The following PCDHA10 variants were observed in gnomAD, a reference collection of about 807,000 sequenced individuals.
PCDHA10 encodes the protein protocadherin alpha 10.
In PCDHA10, 45 loss-of-function variants were observed where a neutral mutation model predicts 61.2. That is an observed-to-expected ratio of 0.74 (90% CI 0.58 to 0.94). PCDHA10 has a LOEUF of 0.94. Among genes scored for constraint, PCDHA10 ranks in the 40% least tolerant of loss-of-function variants. The pLI is 0.00. For synonymous variants in PCDHA10, 602 were observed against 548.8 expected (o/e 1.10, Z -1.35); for missense variants, 1,278 against 1,236.2 (o/e 1.03, Z -0.51).
chr5:140,912,359 G>A (rs1483575347), intron 1 of PCDHA10, among the ~76,000 whole-genome samples: 1 of 131,950 alleles, frequency 7.6e-6, no homozygotes, highest in Non-Finnish European at 1.6e-5. Context: ...TTTTTTTTTT[G>A]CAGCTGTTGT....
rs1446529645 is a variant in PCDHA10, at chr5:140,923,539, C to CA, written c.2389-55406dup. ...GTGAGATTCTGTCCCAAAAAAAGGA[C>CA]AAAATGAAATATCAGCAATGAAAGG... On this transcript the variant is annotated intron_variant, in intron 1 of 3. Coordinates refer to ENST00000307360, the MANE Select transcript of PCDHA10 (RefSeq NM_018901.4). 3.3e-5 allele frequency among the ~76,000 whole-genome samples: 5 copies of CA among 152,090 alleles called. No individual in the cohort carries two copies. The South Asian group carries it at 8.3e-4, about 25-fold the overall frequency.
At chr5:140,930,002 C>T (rs1304233576) in intron 1 of PCDHA10, 4 of 152,196 alleles carry the variant, frequency 2.6e-5, no homozygotes, top group African/African-American at 9.6e-5. Flanking sequence ...CACCCTAAAA[C>T]ATAGCTGATA....
chr5:140,930,781 CAATAT>C (rs1259470112), intron 1 of PCDHA10, among the ~76,000 whole-genome samples: 2 of 152,048 alleles, frequency 1.3e-5, no homozygotes, highest in African/African-American at 4.8e-5. Context: ...AATATTTTCA[CAATAT>C]AATAGAATCC....
chr5:140,867,686 C>CT, intron 1 of PCDHA10: 1 of 152,084 alleles, frequency 6.6e-6, no homozygotes, highest in Middle Eastern at 3.4e-3. Flanking sequence ...GTTGCATCTT[C>CT]TTTTTTTCCT....
At chr5:140,942,663 A>G (rs2153659608) in intron 1 of PCDHA10, among the ~76,000 whole-genome samples, 1 of 152,294 alleles carries the variant, frequency 6.6e-6, no homozygotes, top group African/African-American at 2.4e-5. Context: ...AAAAGCAATA[A>G]GCACAAAAGT....
intron 1 of PCDHA10, among the ~76,000 whole-genome samples, chr5:140,916,543 G>A (rs1554197499): frequency 6.6e-6 from 1 of 152,152 alleles, no homozygotes; most frequent in Non-Finnish European, 1.5e-5. Context: ...AAGGCAATGG[G>A]TTTTCTATTT....
chr5:140,950,820 AG>A (rs1429119954), intron 1 of PCDHA10, among the ~76,000 whole-genome samples: 2 of 152,088 alleles, frequency 1.3e-5, no homozygotes, highest in Non-Finnish European at 2.9e-5. Context: ...GTAGGGTTAA[AG>A]TTTGGTCCTT....
At chr5:140,970,775 C>T (rs2096433002) in intron 1 of PCDHA10, among the ~76,000 whole-genome samples, 1 of 152,160 alleles carries the variant, frequency 6.6e-6, no homozygotes, top group Non-Finnish European at 1.5e-5. Context: ...GCTGTACATA[C>T]ATATTGTATG....
chr5:140,890,550 C>A (rs1162286556), intron 1 of PCDHA10, among the ~76,000 whole-genome samples: 1 of 151,958 alleles, frequency 6.6e-6, no homozygotes, highest in Admixed American at 6.6e-5. Context: ...TGACTGAGTA[C>A]TTTTTATTGT....
chr5:140,883,147 T>C, intron 1 of PCDHA10: 2 of 1,614,064 alleles, frequency 1.2e-6, no homozygotes, highest in Non-Finnish European at 1.7e-6. Context: ...TATATGCATT[T>C]ACCATAAATC....
chr5:140,889,025 A>G (rs2062065518), intron 1 of PCDHA10, among the ~76,000 whole-genome samples: 1 of 152,068 alleles, frequency 6.6e-6, no homozygotes, highest in South Asian at 2.1e-4. Flanking sequence ...TTCCTTGGAT[A>G]ACCGTAATTT....
chr5:140,862,934 G>C (rs1050739882), intron 1 of PCDHA10: 3 of 542,192 alleles, frequency 5.5e-6, no homozygotes, highest in African/African-American at 2.0e-5. Flanking sequence ...TGGCGGCGCT[G>C]TGAGTGAGCT....
rs782339436 is a variant in PCDHA10, at chr5:140,928,591, G to A, written c.2389-50358G>A. The A allele has an allele frequency of 3.1e-6, 5 of 1,614,230 alleles. No individual in the cohort carries two copies. The South Asian group carries it at 5.5e-5, about 18-fold the overall frequency. ...CTTGCCCAGAAATGGTTCTGTCCCA[G>A]TGGAAATTGTGCCCCGCTCTGCCAG... On this transcript the variant is annotated intron_variant, in intron 1 of 3. Coordinates refer to ENST00000307360, the MANE Select transcript of PCDHA10 (RefSeq NM_018901.4).
chr5:140,872,919 A>G (rs1554166439), intron 1 of PCDHA10, among the ~76,000 whole-genome samples: 1 of 152,176 alleles, frequency 6.6e-6, no homozygotes, highest in Non-Finnish European at 1.5e-5. Flanking sequence ...GTAATGCCTT[A>G]TCTCTAATGT....
intron 3 of PCDHA10, among the ~76,000 whole-genome samples, chr5:141,002,755 T>C (rs894161079): frequency 3.3e-5 from 5 of 152,174 alleles, no homozygotes; most frequent in Non-Finnish European, 7.3e-5. Flanking sequence ...GACAACCCTG[T>C]GATGTAGACA....
intron 1 of PCDHA10, among the ~76,000 whole-genome samples, chr5:140,888,286 C>T (rs1277980750): frequency 6.6e-6 from 1 of 152,080 alleles, no homozygotes; most frequent in African/African-American, 2.4e-5. Context: ...TCCCCTCTAC[C>T]CCCTACCCAG....
At chr5:140,862,994 G>T (rs199654880) in intron 1 of PCDHA10, 1 of 549,002 alleles carries the variant, frequency 1.8e-6, no homozygotes. Flanking sequence ...GGTGCGCACG[G>T]TGGACTCCAG....
At chr5:141,000,347 C>T (rs1587871994) in intron 3 of PCDHA10, among the ~76,000 whole-genome samples, 1 of 114,796 alleles carries the variant, frequency 8.7e-6, no homozygotes, top group Non-Finnish European at 1.8e-5. Flanking sequence ...CTATCTCTCT[C>T]TCTGTCTCTC....
At chr5:140,863,248 G>A (rs782700291) in intron 1 of PCDHA10, 2 of 1,396,062 alleles carry the variant, frequency 1.4e-6, no homozygotes, top group Non-Finnish European at 9.8e-7. Flanking sequence ...TTTGGCGGGC[G>A]TCGAGGTCCG....
Sources: gnomAD v4.1 joint callset for allele counts (sites outside exome capture counted in the v4.1 genomes callset) on GRCh38, gnomAD v4.1.1 for gene constraint, MANE v1.5 for transcripts, NCBI Gene and HGNC (gene_info 2026-07-23, HGNC 2026-07-21) for gene names.